Variants in UPRT observed in about 807,000 individuals in gnomAD.
UPRT encodes the protein RP11-311P8.3.
UPRT carries 5 observed loss-of-function variants against 22.6 expected under a neutral mutation model. The ratio of observed to expected loss-of-function variants is 0.22; its 90% CI spans 0.12 to 0.47. The LOEUF is 0.47. Ranked by LOEUF, UPRT falls within the 20% of genes least tolerant of loss-of-function variation. The pLI is 0.99. For synonymous variants in UPRT, 77 were observed against 87.7 expected, an observed-to-expected ratio of 0.88 and a Z score of 0.68; for missense variants, 181 against 239.9, an observed-to-expected ratio of 0.75 and a Z score of 1.62.
intron 4 of UPRT, among the ~76,000 whole-genome samples, chrX:75,255,566 C>T (rs1256852376): frequency 9.0e-6 from 1 of 111,561 alleles, no homozygotes; most frequent in Non-Finnish European, 1.9e-5. Context: ...GATACAGAAC[C>T]GCAGAATGGA....
At chrX:75,277,337 A>G (rs2082635461) in intron 1 of UPRT, among the ~76,000 whole-genome samples, 1 of 111,678 alleles carries the variant, frequency 9.0e-6, no homozygotes, top group Non-Finnish European at 1.9e-5. Context: ...ATATGACAAA[A>G]TAATACCTGA....
chrX:75,230,903 A>G (rs1216052466), intron 4 of UPRT, among the ~76,000 whole-genome samples: 2 of 112,393 alleles, frequency 1.8e-5, no homozygotes, highest in Non-Finnish European at 3.7e-5. Context: ...AGGAAGAGGG[A>G]GAGAACCACA....
chrX:75,213,342 T>C lies in UPRT; in HGVS notation c.-447+45463T>C, dbSNP rs191155843. 4.7e-4 allele frequency among the ~76,000 whole-genome samples: 53 copies of C among 112,378 alleles called. No homozygotes were observed. In the East Asian group the frequency reaches 8.4e-3, roughly 18 times the overall value. ...CTGAATCTTGAACTTCTGTTAAACA[T>C]TGATATAAATGTGTCTCTTGAGACT... On this transcript the variant is annotated intron_variant, in intron 4 of 13. Transcript: ENST00000652605.
At chrX:75,292,219 A>C (rs943492315) in intron 1 of UPRT, among the ~76,000 whole-genome samples, 8 of 111,710 alleles carry the variant, frequency 7.2e-5, no homozygotes, top group African/African-American at 2.3e-4. Context: ...CAGTTCACTG[A>C]GTGAAGATTA....
chrX:75,245,894 C>A (rs927563542), intron 4 of UPRT, among the ~76,000 whole-genome samples: 1 of 111,122 alleles, frequency 9.0e-6, no homozygotes, highest in Non-Finnish European at 1.9e-5. Flanking sequence ...CCATGTGACA[C>A]GGAAATTACC....
intron 4 of UPRT, among the ~76,000 whole-genome samples, chrX:75,187,541 C>G (rs950351508): frequency 2.7e-5 from 3 of 111,296 alleles, no homozygotes; most frequent in Non-Finnish European, 5.6e-5. Flanking sequence ...GTGGCATTCT[C>G]TGTATTTCCT....
chrX:75,264,866 G>A, intron 4 of UPRT, among the ~76,000 whole-genome samples: 1 of 111,751 alleles, frequency 8.9e-6, no homozygotes, highest in South Asian at 3.7e-4. Context: ...GCTCTTTTAG[G>A]GCAGGCCTGG....
intron 4 of UPRT, among the ~76,000 whole-genome samples, chrX:75,227,205 A>C (rs1159510637): frequency 9.0e-6 from 1 of 111,326 alleles, no homozygotes; most frequent in East Asian, 2.8e-4. Flanking sequence ...GATATAAACA[A>C]ACTGGTGGTT....
intron 4 of UPRT, among the ~76,000 whole-genome samples, chrX:75,233,930 TAAC>T (rs2082449562): frequency 9.1e-6 from 1 of 109,615 alleles, no homozygotes; most frequent in Admixed American, 9.8e-5. Flanking sequence ...AATTCACACA[TAAC>T]AATATTAACT....
chrX:75,181,518 C>T (rs1246255905), intron 4 of UPRT, among the ~76,000 whole-genome samples: 2 of 110,912 alleles, frequency 1.8e-5, no homozygotes, highest in African/African-American at 6.6e-5. Context: ...TCTCTTCTTT[C>T]CTTGAGCAGT....
At chrX:75,233,546 G>T (rs1037389560) in intron 4 of UPRT, among the ~76,000 whole-genome samples, 4 of 110,158 alleles carry the variant, frequency 3.6e-5, no homozygotes, top group African/African-American at 1.3e-4. Flanking sequence ...GAAAGGTCGG[G>T]TTACCCTCAA....
At chrX:75,265,653 A>G (rs1385284961) in intron 4 of UPRT, among the ~76,000 whole-genome samples, 2 of 111,734 alleles carry the variant, frequency 1.8e-5, no homozygotes, top group South Asian at 3.6e-4. Context: ...GAGTAGTTTG[A>G]TCATCTGAAG....
intron 4 of UPRT, among the ~76,000 whole-genome samples, chrX:75,189,796 T>G (rs188689150): frequency 1.8e-5 from 2 of 111,873 alleles, no homozygotes; most frequent in African/African-American, 3.2e-5. Flanking sequence ...CAGAGACTAG[T>G]ATTGCGACCC....
intron 4 of UPRT, among the ~76,000 whole-genome samples, chrX:75,190,712 C>T (rs182116644): frequency 1.8e-5 from 2 of 111,728 alleles, no homozygotes; most frequent in East Asian, 5.6e-4. Flanking sequence ...TCTCTTCTCG[C>T]TTCATTTCAT....
chrX:75,168,366 G>A (rs2082217954), intron 4 of UPRT, among the ~76,000 whole-genome samples: 1 of 106,922 alleles, frequency 9.4e-6, no homozygotes, highest in South Asian at 4.3e-4. Context: ...ATCTCTTATT[G>A]GACCCAAAAT....
At chrX:75,195,145 TGTG>T (rs2082329372) in intron 4 of UPRT, among the ~76,000 whole-genome samples, 1 of 111,041 alleles carries the variant, frequency 9.0e-6, no homozygotes, top group Admixed American at 9.5e-5. Flanking sequence ...TGGGGGATGG[TGTG>T]GTGGGGTGAT....
chrX:75,239,896 C>G (rs2082482798), intron 4 of UPRT, among the ~76,000 whole-genome samples: 1 of 111,224 alleles, frequency 9.0e-6, no homozygotes, highest in Non-Finnish European at 1.9e-5. Flanking sequence ...AATTTAGCAT[C>G]CCTTTATGAT....
chrX:75,247,315 A>G (rs1247670507), intron 4 of UPRT, among the ~76,000 whole-genome samples: 1 of 111,120 alleles, frequency 9.0e-6, no homozygotes, highest in Non-Finnish European at 1.9e-5. Context: ...GGGGTAAGGG[A>G]ATTCCCTTTC....
At chrX:75,297,823 A>ATAGGG in intron 4 of UPRT, 1 of 336,359 alleles carries the variant, frequency 3.0e-6, no homozygotes, top group Admixed American at 4.8e-5. Flanking sequence ...GGAGGATAGG[A>ATAGGG]GGATGTGGTG....
Sources: allele counts gnomAD v4.1 joint callset (sites outside exome capture counted in the v4.1 genomes callset), GRCh38; gene constraint gnomAD v4.1.1; transcripts MANE v1.5; gene names NCBI Gene and HGNC (gene_info 2026-07-23, HGNC 2026-07-21).